Variants in IL1RAPL2 observed in about 807,000 individuals in gnomAD.
IL1RAPL2 encodes the protein interleukin 1 receptor accessory protein like 2, also known as X-linked interleukin-1 receptor accessory protein-like 2.
IL1RAPL2 carries 3 observed loss-of-function variants against 44.1 expected under a neutral mutation model. That is an observed-to-expected ratio of 0.07 (90% confidence interval 0.03 to 0.18). The LOEUF is 0.18. IL1RAPL2 is among the 10% of genes least tolerant of loss of function. The pLI, the probability that IL1RAPL2 is intolerant of heterozygous loss-of-function variation, is 1.00. For missense variants in IL1RAPL2, 391 were observed against 496.4 expected (o/e 0.79, Z 2.02); for synonymous variants, 181 against 178.8 (o/e 1.01, Z -0.10).
intron 2 of IL1RAPL2, among the ~76,000 whole-genome samples, chrX:105,130,376 G>A (rs1398298898): frequency 9.0e-6 from 1 of 111,151 alleles, no homozygotes. Context: ...TATTACCGCC[G>A]ACCATTTGAG....
chrX:105,447,779 T>G (rs2035980162), intron 5 of IL1RAPL2, among the ~76,000 whole-genome samples: 1 of 83,654 alleles, frequency 1.2e-5, no homozygotes, highest in Non-Finnish European at 2.1e-5. Context: ...TATAAATATA[T>G]TAAAAATATA....
chrX:104,601,198 A>C (rs974950083), intron 1 of IL1RAPL2, among the ~76,000 whole-genome samples: 1 of 110,910 alleles, frequency 9.0e-6, no homozygotes, highest in Non-Finnish European at 1.9e-5. Context: ...TTACATATGT[A>C]TACATGTGCC....
intron 6 of IL1RAPL2, among the ~76,000 whole-genome samples, chrX:105,702,530 T>C (rs1159828879): frequency 6.3e-5 from 7 of 111,892 alleles, no homozygotes; most frequent in Non-Finnish European, 1.3e-4. Flanking sequence ...ACCCCTCATA[T>C]TGGCATAGTG....
At chrX:104,654,577 A>G (rs1930217222) in intron 1 of IL1RAPL2, among the ~76,000 whole-genome samples, 1 of 111,369 alleles carries the variant, frequency 9.0e-6, no homozygotes, top group Admixed American at 9.6e-5. Flanking sequence ...TAGGCCTTTG[A>G]AAGTCTAATG....
chrX:105,600,290 A>G (rs1417429169), intron 6 of IL1RAPL2, among the ~76,000 whole-genome samples: 1 of 110,646 alleles, frequency 9.0e-6, no homozygotes, highest in Non-Finnish European at 1.9e-5. Context: ...ACCTGCACGT[A>G]GTTTTTTTTC....
chrX:104,898,235 A>G (rs5916838), intron 2 of IL1RAPL2, among the ~76,000 whole-genome samples: 40,660 of 110,387 alleles, frequency 0.37, 5,903 homozygotes, highest in East Asian at 0.46. Flanking sequence ...TCGGTAAAAC[A>G]ATAGTGGGAT....
At chrX:104,584,556 A>T (rs1034644120) in intron 1 of IL1RAPL2, among the ~76,000 whole-genome samples, 1 of 110,960 alleles carries the variant, frequency 9.0e-6, no homozygotes, top group Non-Finnish European at 1.9e-5. Context: ...ATAAGGCTTA[A>T]GAAAAGAATA....
At chrX:105,179,186 A>C (rs778664475) in intron 2 of IL1RAPL2, among the ~76,000 whole-genome samples, 80 of 111,788 alleles carry the variant, frequency 7.2e-4, no homozygotes, top group Non-Finnish European at 9.8e-4. Context: ...AAGAGATAGG[A>C]ATTCAGTTTT....
intron 5 of IL1RAPL2, among the ~76,000 whole-genome samples, chrX:105,354,311 A>G (rs955208359): frequency 9.1e-6 from 1 of 110,159 alleles, no homozygotes; most frequent in African/African-American, 3.3e-5. Context: ...ACCATGGAAT[A>G]CTATGCAGCC....
intron 5 of IL1RAPL2, among the ~76,000 whole-genome samples, chrX:105,351,769 T>TA (rs2035157051): frequency 9.0e-6 from 1 of 110,939 alleles, no homozygotes; most frequent in Admixed American, 9.6e-5. Context: ...CCCCAGAACT[T>TA]AAAGTATAAT....
rs757658131 is a variant in IL1RAPL2 at position 105,438,907 on chromosome X, C to T, written c.698-45406C>T. On this transcript the variant is annotated intron_variant, in intron 5 of 10. Coordinates refer to ENST00000372582, the MANE Select transcript of IL1RAPL2 (RefSeq NM_017416.2). ...TCTCATGTGGAATTGGAATCCTCAGCTGTCAGGGAGGGACCTGGTGGAAGG... is the reference window on the plus strand; with the variant it reads ...TCTCATGTGGAATTGGAATCCTCAGTTGTCAGGGAGGGACCTGGTGGAAGG... Among the ~76,000 whole-genome samples the T allele has an allele frequency of 2.7e-5, 3 of 110,841 alleles. No homozygotes were observed. The East Asian group carries it at 8.7e-4, about 32-fold the overall frequency.
intron 2 of IL1RAPL2, among the ~76,000 whole-genome samples, chrX:105,038,491 G>C (rs2031666745): frequency 9.0e-6 from 1 of 111,578 alleles, no homozygotes; most frequent in Admixed American, 9.5e-5. Context: ...ATGGTGTTTG[G>C]TATCTCATCA....
intron 2 of IL1RAPL2, among the ~76,000 whole-genome samples, chrX:104,714,828 G>A (rs1931526350): frequency 9.0e-6 from 1 of 111,163 alleles, no homozygotes; most frequent in South Asian, 3.8e-4. Flanking sequence ...CAGAGATAAA[G>A]CCTACTTGAT....
intron 2 of IL1RAPL2, among the ~76,000 whole-genome samples, chrX:104,916,287 C>T (rs1423458487): frequency 9.0e-6 from 1 of 111,693 alleles, no homozygotes; most frequent in Admixed American, 9.5e-5. Flanking sequence ...TCCTTCCCAT[C>T]CCTTGTAAGT....
intron 2 of IL1RAPL2, among the ~76,000 whole-genome samples, chrX:105,124,417 C>A (rs775453763): frequency 9.1e-6 from 1 of 110,413 alleles, no homozygotes; most frequent in Non-Finnish European, 1.9e-5. Context: ...AAAGTCATGG[C>A]GTCAAGATTA....
chrX:105,434,028 A>C (rs2035865203), intron 5 of IL1RAPL2, among the ~76,000 whole-genome samples: 1 of 111,581 alleles, frequency 9.0e-6, no homozygotes, highest in Admixed American at 9.6e-5. Flanking sequence ...GAACTCTTAG[A>C]CTCAATAATA....
intron 1 of IL1RAPL2, among the ~76,000 whole-genome samples, chrX:104,646,468 G>C (rs1490328505): frequency 9.0e-6 from 1 of 111,120 alleles, no homozygotes; most frequent in East Asian, 2.8e-4. Context: ...GCTGTTGTAG[G>C]TATCATATTA....
intron 2 of IL1RAPL2, among the ~76,000 whole-genome samples, chrX:104,684,394 CAT>C (rs1182291098): frequency 8.9e-6 from 1 of 112,093 alleles, no homozygotes; most frequent in African/African-American, 3.2e-5. Flanking sequence ...GGCTCTAGCT[CAT>C]ATGCTAAATT....
chrX:105,596,536 C>A (rs2037211441), intron 6 of IL1RAPL2, among the ~76,000 whole-genome samples: 1 of 111,793 alleles, frequency 8.9e-6, no homozygotes, highest in Non-Finnish European at 1.9e-5. Flanking sequence ...GATACTATTT[C>A]AATCTTCTTA....
Sources: allele counts gnomAD v4.1 joint callset (sites outside exome capture counted in the v4.1 genomes callset), GRCh38; gene constraint gnomAD v4.1.1; transcripts MANE v1.5; gene names NCBI Gene and HGNC (gene_info 2026-07-23, HGNC 2026-07-21).